GALNT14: variants seen among roughly 807,000 people sequenced by gnomAD.
GALNT14 encodes polypeptide N-acetylgalactosaminyltransferase 14.
Under a neutral mutation model 77.5 loss-of-function variants are expected in GALNT14, and 60 were observed. The ratio of observed to expected loss-of-function variants is 0.77; its 90% CI spans 0.63 to 0.96. The LOEUF (loss-of-function observed/expected upper bound fraction) is 0.96, where lower values mean the gene tolerates loss of function less well. Among genes scored for constraint, GALNT14 ranks in the 40% least tolerant of loss-of-function variants. GALNT14 has a pLI of 0.00. For synonymous variants in GALNT14, 280 were observed against 281.7 expected (o/e 0.99, Z 0.06); for missense variants, 710 against 731.0 (o/e 0.97, Z 0.33).
chr2:31,123,575 T>C (rs962084650), intron 1 of GALNT14, among the ~76,000 whole-genome samples: 2 of 152,154 alleles, frequency 1.3e-5, no homozygotes, highest in Non-Finnish European at 2.9e-5. Flanking sequence ...TTCAAAAAAA[T>C]CACTAAAATG....
chr2:30,897,462 A>G, the GALNT14 span, among the ~76,000 whole-genome samples: 1 of 152,214 alleles, frequency 6.6e-6, no homozygotes, highest in African/African-American at 2.4e-5. Flanking sequence ...GGCAGAATTC[A>G]GGCGCGAGAG....
rs112320586 is a variant in GALNT14 at position 31,120,418 on chromosome 2, G to A, written c.129+17540C>T. ...AAGGGGGTGAAGCAGAGGGTGGTGA[G>A]TGAAAAGATAGATAAATAAGTTGCA... On this transcript the variant is annotated intron_variant, in intron 1 of 14. Transcript: ENST00000349752. Among the ~76,000 whole-genome samples, 1,386 of 152,286 alleles carry A rather than the reference G, an allele frequency of 9.1e-3. 12 individuals are homozygous for A. Among genetic ancestry groups the A allele is most frequent in the Non-Finnish European group, 0.013 (866 of 68,032 alleles).
chr2:31,048,090 C>A (rs1673590264), intron 1 of GALNT14, among the ~76,000 whole-genome samples: 1 of 152,228 alleles, frequency 6.6e-6, no homozygotes, highest in Admixed American at 6.5e-5. Context: ...TGCCCAACAG[C>A]CAGCTCCTAC....
At chr2:31,014,950 A>T (rs1671260233) in intron 1 of GALNT14, among the ~76,000 whole-genome samples, 1 of 152,162 alleles carries the variant, frequency 6.6e-6, no homozygotes, top group Non-Finnish European at 1.5e-5. Context: ...GGGAAGGGCT[A>T]AAGTTCTGTG....
At chr2:31,077,877 G>T (rs1675898300) in intron 1 of GALNT14, among the ~76,000 whole-genome samples, 1 of 152,222 alleles carries the variant, frequency 6.6e-6, no homozygotes. Flanking sequence ...GCTATTATGG[G>T]TTGGCTGAGG....
chr2:31,088,164 T>C (rs76572221), intron 1 of GALNT14, among the ~76,000 whole-genome samples: 8,377 of 152,312 alleles, frequency 0.055, 226 homozygotes, highest in South Asian at 0.086. Flanking sequence ...GGTATAGCGA[T>C]TGCGGCAGAG....
At chr2:30,928,051 G>C (rs1235014963) in intron 11 of GALNT14, among the ~76,000 whole-genome samples, 1 of 152,148 alleles carries the variant, frequency 6.6e-6, no homozygotes, top group African/African-American at 2.4e-5. Flanking sequence ...AAGCTAGAGA[G>C]GGAAGGCAGT....
At chr2:30,914,406 T>C (rs1044270050) in intron 13 of GALNT14, among the ~76,000 whole-genome samples, 1 of 152,102 alleles carries the variant, frequency 6.6e-6, no homozygotes, top group African/African-American at 2.4e-5. Context: ...AAACCAAAGA[T>C]CAGCTCCACC....
intron 2 of GALNT14, among the ~76,000 whole-genome samples, chr2:30,979,681 C>T (rs1231782359): frequency 6.6e-6 from 1 of 152,162 alleles, no homozygotes; most frequent in Admixed American, 6.5e-5. Context: ...CCAGTGGGAC[C>T]CTCACTGCTC....
At chr2:31,028,529 C>T (rs1326156189) in intron 1 of GALNT14, among the ~76,000 whole-genome samples, 1 of 152,244 alleles carries the variant, frequency 6.6e-6, no homozygotes, top group Non-Finnish European at 1.5e-5. Context: ...CAGCTAGAGC[C>T]GCCACCACCT....
chr2:30,994,457 A>ATCTC (rs796598705), intron 1 of GALNT14, among the ~76,000 whole-genome samples: 27 of 152,156 alleles, frequency 1.8e-4, no homozygotes, highest in African/African-American at 6.5e-4. Context: ...CCAGTAATTG[A>ATCTC]TCTCTCTCTC....
chr2:31,102,966 G>A (rs564690635), intron 1 of GALNT14, among the ~76,000 whole-genome samples: 33 of 151,750 alleles, frequency 2.2e-4, no homozygotes, highest in Non-Finnish European at 4.3e-4. Context: ...TAAAGCATTC[G>A]GCTGGTGTTC....
At chr2:31,009,000 G>A (rs1417289631) in intron 1 of GALNT14, among the ~76,000 whole-genome samples, 1 of 152,196 alleles carries the variant, frequency 6.6e-6, no homozygotes, top group Non-Finnish European at 1.5e-5. Context: ...CTTGCATCTG[G>A]CTTAGCCCTT....
chr2:30,931,829 T>C (rs115282427), intron 10 of GALNT14, among the ~76,000 whole-genome samples: 22 of 151,932 alleles, frequency 1.4e-4, no homozygotes, highest in African/African-American at 3.4e-4. Flanking sequence ...CGAGGCCTCA[T>C]GTGGGGCCTT....
In GALNT14 at chr2:31,116,738, T is replaced by C. The variant is rs901164422; in HGVS notation, c.129+21220A>G. The stretch of plus-strand genomic sequence containing the variant: ...TAATACATATATATAGAGAGAACTA[T>C]ATAACCATCAAATAAAGAATATTTG... On this transcript the variant is annotated intron_variant, in intron 1 of 14. Coordinates refer to ENST00000349752, the MANE Select transcript of GALNT14 (RefSeq NM_024572.4). 3.9e-5 allele frequency among the ~76,000 whole-genome samples: 6 copies of C among 152,112 alleles called. No individual in the cohort carries two copies. The East Asian group carries it at 1.2e-3, about 29-fold the overall frequency.
chr2:31,061,895 C>T (rs1045644967), intron 1 of GALNT14, among the ~76,000 whole-genome samples: 11 of 152,204 alleles, frequency 7.2e-5, no homozygotes, highest in African/African-American at 2.7e-4. Flanking sequence ...CCCATCCTCC[C>T]CCAGGTGCCT....
intron 4 of GALNT14, among the ~76,000 whole-genome samples, chr2:30,956,830 C>T (rs2148321199): frequency 6.6e-6 from 1 of 152,324 alleles, no homozygotes; most frequent in South Asian, 2.1e-4. Context: ...TCTTATAGGC[C>T]ATTCAAAGCA....
Position 30,910,875 on chromosome 2 carries a change from G to A in GALNT14, c.*26C>T, listed in dbSNP as rs761577729. On this transcript the variant is annotated 3_prime_UTR_variant, in exon 15 of 15. Coordinates refer to ENST00000349752, the MANE Select transcript of GALNT14 (RefSeq NM_024572.4). The stretch of plus-strand genomic sequence containing the variant: ...TGGTCCAGGGAAGCACCACCCCATG[G>A]CCCTTGCTGCTTCTGGCAGGGGTCC... 5.0e-6 allele frequency: 8 copies of A among 1,610,782 alleles called. No individual in the cohort carries two copies. The African/African-American group carries it at 6.7e-5, about 13-fold the overall frequency.
chr2:30,941,425 T>G (rs1351575926), intron 9 of GALNT14, among the ~76,000 whole-genome samples: 1 of 152,166 alleles, frequency 6.6e-6, no homozygotes, highest in African/African-American at 2.4e-5. Flanking sequence ...TGCCAAGATT[T>G]TACACATTTA....
Sources: gnomAD v4.1 joint callset for allele counts (sites outside exome capture counted in the v4.1 genomes callset) on GRCh38, gnomAD v4.1.1 for gene constraint, MANE v1.5 for transcripts, NCBI Gene and HGNC (gene_info 2026-07-23, HGNC 2026-07-21) for gene names.